NPC1: variants seen among roughly 807,000 people sequenced by gnomAD.
NPC1 encodes Niemann-Pick C1 protein.
A neutral mutation model predicts 140.4 loss-of-function variants in NPC1; 85 were observed. The ratio of observed to expected loss-of-function variants is 0.61; its 90% CI spans 0.51 to 0.72. The LOEUF is 0.72. NPC1 is among the 30% of genes least tolerant of loss of function. NPC1 has a pLI of 0.00. For missense variants in NPC1, 1,504 were observed against 1,623.8 expected (o/e 0.93, Z 1.27); for synonymous variants, 656 against 624.8 (o/e 1.05, Z -0.74).
At chr18:23,573,636 A>T in intron 1 of NPC1, 62 bp from the exon 2 acceptor site, 1 of 1,602,958 alleles carries the variant, frequency 6.2e-7, no homozygotes, top group Non-Finnish European at 8.5e-7. Context: ...TTCAACAAGA[A>T]GTGCCCACTC....
At chr18:23,566,850 T>C (rs751322613) in intron 4 of NPC1, among the ~76,000 whole-genome samples, 3 of 152,232 alleles carry the variant, frequency 2.0e-5, no homozygotes, top group Admixed American at 6.5e-5. Context: ...CCTTCCTCTC[T>C]CCTAACCCAT....
downstream of NPC1, chr18:23,518,912 T>C (rs2058076144): frequency 6.2e-7 from 1 of 1,614,030 alleles, no homozygotes; most frequent in African/African-American, 1.3e-5. Flanking sequence ...GTATGTTCTC[T>C]TCTTGAGGCA....
At position 23,572,169 on chromosome 18, in the gene NPC1, T is replaced by C. The variant is rs2145544921; in HGVS notation, c.192A>G (p.Pro64=). ...DGYDLVQELC[P]GFFFGNVSLC... is the part of the protein sequence containing the mutation. Reference sequence around the variant, plus strand: ...GACTGACATTGCCAAAGAAGAATCCTGGACAGAGTTCCTTTCAGGTGAAAG... The same window carrying C: ...GACTGACATTGCCAAAGAAGAATCCCGGACAGAGTTCCTTTCAGGTGAAAG... Residue 64 remains proline (P), a synonymous_variant, in exon 3 of 25, where the codon CCA becomes CCG. Coordinates refer to ENST00000269228, the MANE Select transcript of NPC1 (RefSeq NM_000271.5). 6.2e-7 allele frequency: 1 copy of C among 1,612,626 alleles called. No homozygotes were observed. The highest frequency in any genetic ancestry group is 8.5e-7 in the Non-Finnish European group (1 of 1,178,998).
chr18:23,548,888 T>C (rs2058827589), intron 10 of NPC1, among the ~76,000 whole-genome samples: 2 of 152,132 alleles, frequency 1.3e-5, no homozygotes, highest in South Asian at 4.1e-4. Context: ...CCACCCGAAC[T>C]CAATTAATCC....
intron 11 of NPC1, among the ~76,000 whole-genome samples, chr18:23,547,428 C>T (rs928319655): frequency 2.6e-5 from 4 of 152,102 alleles, no homozygotes; most frequent in Non-Finnish European, 5.9e-5. Context: ...CAGCATGCTC[C>T]CAAGTTTTGC....
At chr18:23,585,017 C>T (rs1422212470) in intron 1 of NPC1, among the ~76,000 whole-genome samples, 3 of 151,984 alleles carry the variant, frequency 2.0e-5, no homozygotes, top group Admixed American at 6.6e-5. Flanking sequence ...ACTGCCCCCA[C>T]GCCTGGGCAA....
At chr18:23,525,078 C>G (rs953329046), downstream of NPC1, among the ~76,000 whole-genome samples, 8 of 149,898 alleles carry the variant, frequency 5.3e-5, no homozygotes, top group Admixed American at 2.0e-4. Context: ...TCCTGAATAG[C>G]TGGGATTACA....
downstream of NPC1, chr18:23,529,182 G>T: frequency 6.2e-7 from 1 of 1,609,310 alleles, no homozygotes; most frequent in South Asian, 1.1e-5. Flanking sequence ...CTTTCAGGCG[G>T]TGGAAGCAGG....
At chr18:23,520,078 C>G (rs2048702756), downstream of NPC1, 3 of 695,430 alleles carry the variant, frequency 4.3e-6, no homozygotes, top group Admixed American at 4.5e-5. Flanking sequence ...TAAGAGCTAG[C>G]CTGTAGGGAG....
At chr18:23,513,053 A>G (rs912003867) in intron 3 of NPC1, among the ~76,000 whole-genome samples, 1 of 152,018 alleles carries the variant, frequency 6.6e-6, no homozygotes, top group Non-Finnish European at 1.5e-5. Context: ...TCCTGGGTTC[A>G]GGCGATTCTC....
chr18:23,531,878 T>C lies in NPC1; in HGVS notation c.*324A>G, dbSNP rs2058522758. The stretch of plus-strand genomic sequence containing the variant: ...CCTAAAAGGAGAGACAGACAGTGCA[T>C]TGATTGGCCTTTACAGAGTGTCAGT... On this transcript the variant is annotated 3_prime_UTR_variant, in exon 25 of 25. Coordinates refer to ENST00000269228, the MANE Select transcript of NPC1 (RefSeq NM_000271.5). 2.1e-6 allele frequency: 3 copies of C among 1,445,034 alleles called. No homozygotes were observed. Among genetic ancestry groups the C allele is most frequent in the South Asian group, 1.5e-5 (1 of 67,302 alleles). 89.5% of individuals were successfully genotyped at this position (1,445,034 alleles called of 1,614,324 possible).
chr18:23,543,335 A>G, intron 14 of NPC1, 120 bp downstream of exon 14: 1 of 629,656 alleles, frequency 1.6e-6, no homozygotes, highest in Non-Finnish European at 2.8e-6. Flanking sequence ...TCTCAGAGAA[A>G]AAAAAAAAAA....
At chr18:23,520,453 C>T, downstream of NPC1, 1 of 706,864 alleles carries the variant, frequency 1.4e-6, no homozygotes, top group Non-Finnish European at 2.3e-6. Flanking sequence ...TGCCAGGGGC[C>T]ATTTGTTCCA....
In NPC1 at chr18:23,544,945, C is replaced by CCA. The variant is rs1555634633; in HGVS notation, c.1947+14_1947+15insTG. On this transcript the variant is annotated intron_variant, in intron 12 of 24. Transcript: ENST00000269228. ...TGTTAACCTCTAGAACATACACCACCCCCCCCCGGCTTACCAGAAGCCTGC... is the reference window on the plus strand; with the variant it reads ...TGTTAACCTCTAGAACATACACCACCCACCCCCCCGGCTTACCAGAAGCCTGC... 1.2e-5 allele frequency: 15 copies of CCA among 1,291,228 alleles called. 1 individual carries two copies. In the African/African-American group the frequency reaches 1.9e-4, roughly 17 times the overall value. The allele number at this position is 1,291,228 out of a possible 1,614,324, so 80.0% of individuals were successfully genotyped here.
At chr18:23,542,845 C>T (rs1426860231) in intron 14 of NPC1, among the ~76,000 whole-genome samples, 1 of 152,178 alleles carries the variant, frequency 6.6e-6, no homozygotes, top group African/African-American at 2.4e-5. Flanking sequence ...ATCAACATTC[C>T]CAGTGGCTAC....
chr18:23,554,467 G>A (rs1045962237), intron 9 of NPC1, among the ~76,000 whole-genome samples: 6 of 152,108 alleles, frequency 3.9e-5, no homozygotes, highest in South Asian at 2.1e-4. Context: ...TTAGCTGGGC[G>A]TGGTGGCACA....
At chr18:23,577,616 G>C (rs1287408818) in intron 1 of NPC1, among the ~76,000 whole-genome samples, 1 of 152,260 alleles carries the variant, frequency 6.6e-6, no homozygotes, top group Non-Finnish European at 1.5e-5. Flanking sequence ...TGCCAGTCCT[G>C]CGCCGTGCGC....
At chr18:23,564,135 TCAC>T (rs2059087033) in intron 4 of NPC1, among the ~76,000 whole-genome samples, 1 of 150,852 alleles carries the variant, frequency 6.6e-6, no homozygotes, top group Non-Finnish European at 1.5e-5. Context: ...CAGGCGCACA[TCAC>T]CACACCTGGC....
rs140817662 is a variant in NPC1, at chr18:23,508,400, G to A, written c.432-1758C>T. ...CAGCCACCTGGAGTGGAGGTTTCTG[G>A]TGAGGAGTTTCTTTTTCTGTTTCCT... On this transcript the variant is annotated intron_variant, in intron 3 of 3. Transcript: ENST00000591107. Among the ~76,000 whole-genome samples the A allele has an allele frequency of 9.8e-5, 15 of 152,310 alleles. 1 individual carries two copies. The East Asian group carries it at 2.7e-3, about 27-fold the overall frequency.
Sources: allele counts gnomAD v4.1 joint callset (sites outside exome capture counted in the v4.1 genomes callset), GRCh38; gene constraint gnomAD v4.1.1; transcripts MANE v1.5; gene names NCBI Gene and HGNC (gene_info 2026-07-23, HGNC 2026-07-21).